VPS8: variants seen among roughly 807,000 people sequenced by gnomAD.
VPS8 encodes the protein VPS8 subunit of CORVET complex.
Under a neutral mutation model 216.4 loss-of-function variants are expected in VPS8, and 129 were observed. That is an observed-to-expected ratio of 0.60 (90% CI 0.52 to 0.69). VPS8 has a LOEUF of 0.69. Ranked by LOEUF, VPS8 falls within the 30% of genes least tolerant of loss-of-function variation. VPS8 has a pLI of 0.00. For missense variants in VPS8, 1,531 were observed against 1,683.5 expected (o/e 0.91, Z 1.59); for synonymous variants, 571 against 565.4 (o/e 1.01, Z -0.14).
At chr3:184,964,862 A>G (rs987175237) in intron 38 of VPS8, among the ~76,000 whole-genome samples, 11 of 152,132 alleles carry the variant, frequency 7.2e-5, no homozygotes, top group Admixed American at 7.2e-4. Context: ...GGGCTGCTTT[A>G]CCTTTTGGTT....
chr3:184,940,513 C>T (rs886662837), intron 36 of VPS8, among the ~76,000 whole-genome samples: 2 of 152,132 alleles, frequency 1.3e-5, no homozygotes, highest in East Asian at 3.8e-4. Flanking sequence ...AGCCATGCCA[C>T]AAGGACATGT....
At position 184,930,500 on chromosome 3, in the gene VPS8, T is replaced by C; in HGVS notation, c.2830T>C (p.Leu944=). ...EEVFNYIHNI[L]SIPGHSAEEK... ...AGTCTTTAATTACATTCACAATATCTTATCCATTCCCGGACACAGTGCAGA... is the reference window on the plus strand; with the variant it reads ...AGTCTTTAATTACATTCACAATATCCTATCCATTCCCGGACACAGTGCAGA... The change falls in exon 34 of 48, where the codon TTA becomes CTA. Residue 944 remains leucine, a synonymous_variant. Transcript: ENST00000625842. 1 of 1,613,272 alleles carries C rather than the reference T, an allele frequency of 6.2e-7. No homozygotes were observed. The highest frequency in any genetic ancestry group is 1.1e-5 in the South Asian group (1 of 91,050).
At chr3:185,045,976 C>T (rs188840978) in intron 46 of VPS8, among the ~76,000 whole-genome samples, 2 of 152,280 alleles carry the variant, frequency 1.3e-5, no homozygotes, top group Admixed American at 6.5e-5. Flanking sequence ...TCCTTTAATG[C>T]TGAGTACTAC....
In VPS8 at chr3:184,925,086, T is replaced by G. The variant is rs563370691; in HGVS notation, c.2574+105T>G. ...GTGACAGACTATTGGGTAAATACCT[T>G]ATCAAGGAGAGGCCTGTTCAGGTTT... On this transcript the variant is annotated intron_variant, in intron 30 of 47. Transcript: ENST00000625842. 70 of 1,428,854 alleles carry G rather than the reference T, an allele frequency of 4.9e-5. 1 individual carries two copies. The South Asian group carries it at 9.2e-4, about 19-fold the overall frequency. The allele number at this position is 1,428,854 out of a possible 1,614,324, so 88.5% of individuals were successfully genotyped here. A position where few individuals can be genotyped will look rare whatever the true frequency, so the allele number is the denominator to read the frequency against.
intron 40 of VPS8, among the ~76,000 whole-genome samples, chr3:184,972,829 T>C (rs183538013): frequency 1.2e-4 from 19 of 152,390 alleles, no homozygotes; most frequent in Admixed American, 1.2e-3. Flanking sequence ...TATCATGATA[T>C]GGCTTAACTC....
intron 22 of VPS8, chr3:184,893,316 AC>A: frequency 7.8e-7 from 1 of 1,283,930 alleles, no homozygotes; most frequent in Non-Finnish European, 1.0e-6. Flanking sequence ...GAAAGACCAT[AC>A]CTGTGAATAA....
At chr3:184,909,275 A>AAT (rs1184706045) in intron 25 of VPS8, among the ~76,000 whole-genome samples, 1 of 152,220 alleles carries the variant, frequency 6.6e-6, no homozygotes, top group East Asian at 1.9e-4. Flanking sequence ...CATTTTTCTG[A>AAT]ATAAACATTC....
Position 184,978,274 on chromosome 3 carries a change from A to G in VPS8, c.3421-4292A>G, listed in dbSNP as rs371490738. 3.8e-3 allele frequency among the ~76,000 whole-genome samples: 574 copies of G among 152,100 alleles called. 3 individuals carry two copies. The highest frequency in any genetic ancestry group is 0.013 in the African/African-American group (551 of 41,500). On this transcript the variant is annotated intron_variant, in intron 40 of 47. Transcript: ENST00000625842. ...GCTATTTTTTATATTTCTGGGGGTC[A>G]GTGTTAATGTCCCCTTGTCATTTCT...
chr3:184,922,353 T>C (rs1738786050), intron 29 of VPS8: 1 of 441,524 alleles, frequency 2.3e-6, no homozygotes, highest in Non-Finnish European at 4.5e-6. Context: ...TTATGTAGAC[T>C]TGAGCTTCCT....
chr3:184,936,436 C>A, intron 35 of VPS8, 101 bp downstream of exon 35: 3 of 1,102,102 alleles, frequency 2.7e-6, no homozygotes, highest in South Asian at 1.4e-5. Flanking sequence ...CTTCAGTTGA[C>A]ATTTATTAGC....
Position 185,051,878 on chromosome 3 carries a change from G to A in VPS8, c.4140G>A (p.Leu1380=). ...TGATGTGTGTCCTTCCTTTGCAGCT[G>A]GCTCTCCTCACGGAACTCTCCCAGA... ...LCRLYRGSSR[L]ALLTELSQNR... The change falls in exon 48 of 48, where the codon CTG becomes CTA. Residue 1380 remains leucine, a splice_region_variant and synonymous_variant. Transcript: ENST00000625842. 9 of 1,598,632 alleles carry A rather than the reference G, an allele frequency of 5.6e-6. No individual in the cohort carries two copies. Among genetic ancestry groups the A allele is most frequent in the Non-Finnish European group, 6.8e-6 (8 of 1,172,558 alleles).
Position 184,862,962 on chromosome 3 carries a change from A to G in VPS8, c.1290A>G (p.Gln430=). The change falls in exon 16 of 48, where the codon CAA becomes CAG. Residue 430 remains glutamine, a synonymous_variant. Transcript: ENST00000625842. ...AGAAGTTGCATGTGATTGATCGGCAAACACAAGAGGAATTGGAGACAGTGG... is the reference window on the plus strand; with the variant it reads ...AGAAGTTGCATGTGATTGATCGGCAGACACAAGAGGAATTGGAGACAGTGG... The part of the protein sequence containing the change: ...SVEKLHVIDR[Q]TQEELETVEI... 1.9e-6 allele frequency: 3 copies of G among 1,614,008 alleles called. No homozygotes were observed. The African/African-American group carries it at 4.0e-5, about 21-fold the overall frequency.
At chr3:184,879,948 T>C (rs76160646) in intron 21 of VPS8, among the ~76,000 whole-genome samples, 2,787 of 152,346 alleles carry the variant, frequency 0.018, 95 homozygotes, top group African/African-American at 0.064. Flanking sequence ...GTTTTACTTA[T>C]GGTTTTAAAT....
chr3:184,847,341 A>C (rs1053825540), intron 8 of VPS8, among the ~76,000 whole-genome samples: 2 of 152,184 alleles, frequency 1.3e-5, no homozygotes, highest in Non-Finnish European at 2.9e-5. Flanking sequence ...TATTCCCTAG[A>C]CCTGAGAATG....
intron 45 of VPS8, among the ~76,000 whole-genome samples, chr3:185,019,332 A>T (rs1756301107): frequency 6.6e-6 from 1 of 151,876 alleles, no homozygotes; most frequent in Non-Finnish European, 1.5e-5. Flanking sequence ...ACCCAGCGGC[A>T]CTAGAGGAAT....
In VPS8 at chr3:184,834,682, T is replaced by C. The variant is rs1720695314; in HGVS notation, c.387T>C (p.His129=). ...AATTACCTGATTCTTTTTCACTTCA[T>C]GGATCAGTTATGCGCCATTCACTTT... ...KKKLPDSFSL[H]GSVMRHSLLK... is the part of the protein sequence containing the mutation. The change falls in exon 5 of 48, where the codon CAT becomes CAC. Residue 129 remains histidine (H), a synonymous_variant. Transcript: ENST00000625842. 2 of 1,558,462 alleles carry C rather than the reference T, an allele frequency of 1.3e-6. No individual in the cohort carries two copies. Among genetic ancestry groups the C allele is most frequent in the African/African-American group, 1.4e-5 (1 of 73,502 alleles).
chr3:184,936,929 A>G lies in VPS8; in HGVS notation c.2988+594A>G, dbSNP rs549938336. On this transcript the variant is annotated intron_variant, in intron 35 of 47. Coordinates refer to ENST00000625842, the MANE Select transcript of VPS8 (RefSeq NM_001009921.3). ...ATTTTTTTGTGTTTTTAGTAGAGAC[A>G]GGGTTTCACCATGTTACCAGGTTGG... 2.1e-4 allele frequency among the ~76,000 whole-genome samples: 32 copies of G among 152,106 alleles called. 2 individuals carry two copies. In the South Asian group the frequency reaches 5.2e-3, roughly 25 times the overall value.
intron 45 of VPS8, among the ~76,000 whole-genome samples, chr3:185,016,395 T>C (rs552269321): frequency 7.2e-5 from 11 of 152,332 alleles, no homozygotes; most frequent in African/African-American, 2.4e-4. Context: ...ATATAATGAA[T>C]AATGTAACAC....
At chr3:184,934,374 T>C (rs2109270327) in intron 34 of VPS8, among the ~76,000 whole-genome samples, 1 of 152,316 alleles carries the variant, frequency 6.6e-6, no homozygotes, top group African/African-American at 2.4e-5. Context: ...TTTTGCCATG[T>C]TGGCCAGGCT....
Sources: allele counts gnomAD v4.1 joint callset (sites outside exome capture counted in the v4.1 genomes callset), GRCh38; gene constraint gnomAD v4.1.1; transcripts MANE v1.5; gene names NCBI Gene and HGNC (gene_info 2026-07-23, HGNC 2026-07-21).